Variants in EQTN observed in about 807,000 individuals in gnomAD.
EQTN encodes equatorin.
EQTN carries 29 observed loss-of-function variants against 26.9 expected under a neutral mutation model. The observed-to-expected ratio is 1.08, with a 90% CI of 0.80 to 1.47. EQTN has a LOEUF of 1.47. Among genes scored for constraint, EQTN ranks in the 40% most tolerant of loss-of-function variants. The probability of loss-of-function intolerance (pLI) is 0.00; values close to 1 mark genes in which losing one functional copy is unlikely to be tolerated. For missense variants in EQTN, 391 were observed against 346.1 expected (o/e 1.13, Z -1.03); for synonymous variants, 129 against 120.0 (o/e 1.07, Z -0.49).
At chr9:27,291,377 T>A (rs1276092216) in intron 4 of EQTN, among the ~76,000 whole-genome samples, 1 of 152,162 alleles carries the variant, frequency 6.6e-6, no homozygotes, top group South Asian at 2.1e-4. Flanking sequence ...CAGAAACCCT[T>A]CAAAAGGGAG....
intron 6 of EQTN, 33 bp from the exon 7 acceptor site, chr9:27,286,395 G>A: frequency 6.4e-7 from 1 of 1,550,960 alleles, no homozygotes; most frequent in Non-Finnish European, 8.7e-7. Context: ...GGAAAATAGG[G>A]TGTTCAGTGT....
chr9:27,289,789 G>A (rs1490168081), intron 5 of EQTN, 58 bp from the exon 6 acceptor site: 1 of 1,232,376 alleles, frequency 8.1e-7, no homozygotes, highest in Non-Finnish European at 1.2e-6. Context: ...ATTATTGCCT[G>A]TGTATGTATG....
intron 6 of EQTN, among the ~76,000 whole-genome samples, chr9:27,287,741 A>G (rs1820150845): frequency 6.6e-6 from 1 of 152,252 alleles, no homozygotes; most frequent in Admixed American, 6.5e-5. Flanking sequence ...AAAATGAGCC[A>G]GCATTTGTCA....
chr9:27,294,574 C>A, intron 2 of EQTN, 172 bp from the exon 3 acceptor site: 1 of 392,896 alleles, frequency 2.5e-6, no homozygotes, highest in Admixed American at 4.2e-5. Flanking sequence ...AGGGTCAAAT[C>A]TAAAACTCAT....
chr9:27,292,522 A>G, intron 3 of EQTN, 35 bp from the exon 4 acceptor site: 1 of 1,300,276 alleles, frequency 7.7e-7, no homozygotes, highest in Non-Finnish European at 1.1e-6. Context: ...CAGCATGTAA[A>G]AATACTGACG....
chr9:27,286,605 T>C (rs953550219), intron 6 of EQTN, among the ~76,000 whole-genome samples: 3 of 152,222 alleles, frequency 2.0e-5, no homozygotes, highest in African/African-American at 7.2e-5. Context: ...TTTTACAGTA[T>C]CACAGAAGTT....
At chr9:27,290,936 G>C (rs1464601425) in intron 5 of EQTN, 83 bp downstream of exon 5, 1 of 1,159,112 alleles carries the variant, frequency 8.6e-7, no homozygotes, top group Non-Finnish European at 1.2e-6. Context: ...CTCAGTATTA[G>C]AGGTATTTAG....
At chr9:27,293,145 A>G (rs993517719) in intron 3 of EQTN, among the ~76,000 whole-genome samples, 5 of 152,116 alleles carry the variant, frequency 3.3e-5, no homozygotes, top group Non-Finnish European at 1.5e-5. Context: ...GGCACCCTCT[A>G]TAGGAGGACT....
rs372917062 is a variant in EQTN at position 27,286,249 on chromosome 9, C to T, written c.595G>A (p.Ala199Thr). 6.2e-7 allele frequency: 1 copy of T among 1,613,736 alleles called. No individual in the cohort carries two copies. Among genetic ancestry groups the T allele is most frequent in the East Asian group, 2.2e-5 (1 of 44,886 alleles). ...MTLLLFVVLL[A>T]FCSATLYKLR... ...TTGTACAGTGTAGCACTACAGAATG[C>T]CAAGAGGACCACAAAGAGGAGGAGG... is the stretch of plus-strand genomic sequence containing the variant. The change falls in exon 7 of 8, where the codon GCA (alanine) becomes ACA (threonine). Residue 199 changes from alanine to threonine, a missense_variant. Ala to Thr is a moderately conservative substitution (Grantham distance 58, BLOSUM62 0). Coordinates refer to ENST00000380032, the MANE Select transcript of EQTN (RefSeq NM_020641.3).
At chr9:27,296,768 A>G (rs1820353956) in intron 1 of EQTN, 30 bp from the exon 2 acceptor site, 2 of 1,587,560 alleles carry the variant, frequency 1.3e-6, no homozygotes, top group Non-Finnish European at 1.7e-6. Context: ...ACCATAGATC[A>G]GAAATATGTT....
Position 27,296,599 on chromosome 9 carries a change from C to A in EQTN, c.202+14G>T, listed in dbSNP as rs1820349540. 10 of 1,461,802 alleles carry A rather than the reference C, an allele frequency of 6.8e-6. No homozygotes were observed. Among genetic ancestry groups the A allele is most frequent in the Admixed American group, 2.0e-5 (1 of 50,454 alleles). 90.6% of individuals were successfully genotyped at this position (1,461,802 alleles called of 1,614,324 possible). A position where few individuals can be genotyped will look rare whatever the true frequency, so the allele number is the denominator to read the frequency against. On this transcript the variant is annotated intron_variant, in intron 2 of 7. Coordinates refer to ENST00000380032, the MANE Select transcript of EQTN (RefSeq NM_020641.3). ...ACTTTTGCATATACATTTCTATTCA[C>A]TTTAAAGACTTACATTGTTTTATAT...
At position 27,296,972 on chromosome 9, in the gene EQTN, T is replaced by G. The variant is rs1318488030; in HGVS notation, c.76+8A>C. The G allele has an allele frequency of 1.2e-6, 2 of 1,609,632 alleles. No individual in the cohort carries two copies. The highest frequency in any genetic ancestry group is 1.7e-6 in the Non-Finnish European group (2 of 1,178,812). On this transcript the variant is annotated splice_region_variant and intron_variant, in intron 1 of 7. Coordinates refer to ENST00000380032, the MANE Select transcript of EQTN (RefSeq NM_020641.3). ...CTATTTTTATAAAAGTTTTAAATGC[T>G]CTCTCACCTTCAATAGTAGGCTTCA...
chr9:27,285,114 T>C (rs953087874), intron 7 of EQTN, 142 bp from the exon 8 acceptor site: 1 of 453,984 alleles, frequency 2.2e-6, no homozygotes, highest in Non-Finnish European at 3.8e-6. Flanking sequence ...GAATGATATA[T>C]AGTTTTTCTT....
chr9:27,285,133 C>CTTT lies in EQTN; in HGVS notation c.636-164_636-162dup, dbSNP rs201723057. Among the ~76,000 whole-genome samples, 114 of 77,078 alleles carry CTTT rather than the reference C, an allele frequency of 1.5e-3. 10 individuals are homozygous for CTTT. The highest frequency in any genetic ancestry group is 4.4e-3 in the African/African-American group (78 of 17,536). The allele number at this position is 77,078 out of a possible 152,430, so 50.6% of individuals were successfully genotyped here. A position where few individuals can be genotyped will look rare whatever the true frequency, so the allele number is the denominator to read the frequency against. On this transcript the variant is annotated intron_variant, in intron 7 of 7. Coordinates refer to ENST00000380032, the MANE Select transcript of EQTN (RefSeq NM_020641.3). ...GATATATAGTTTTTCTTTTCTTTTC[C>CTTT]TTTTTTTTTTTTTTTTTTTTTTTTT...
chr9:27,292,424 T>C lies in EQTN; in HGVS notation c.353A>G (p.Glu118Gly). 2.5e-6 allele frequency: 4 copies of C among 1,607,264 alleles called. No homozygotes were observed. The highest frequency in any genetic ancestry group is 3.4e-6 in the Non-Finnish European group (4 of 1,175,752). The part of the protein sequence containing the change: ...STIEEETTTS[E>G]PSHKNIQRST... ...ACTTTGAATATTTTTATGAGAGGGT[T>C]CGCTAGTAGTTGTTTCTTCTTCAAT... Residue 118 changes from glutamate to glycine, a missense_variant, in exon 4 of 8, where the codon GAA (glutamate) becomes GGA (glycine). Glu to Gly is a moderately conservative substitution (Grantham distance 98, BLOSUM62 -2). Coordinates refer to ENST00000380032, the MANE Select transcript of EQTN (RefSeq NM_020641.3).
intron 6 of EQTN, among the ~76,000 whole-genome samples, chr9:27,289,266 T>C (rs1820180573): frequency 6.6e-6 from 1 of 152,198 alleles, no homozygotes. Flanking sequence ...AATGGTCATG[T>C]GGGAGGTATA....
intron 7 of EQTN, among the ~76,000 whole-genome samples, chr9:27,285,221 G>T (rs1439240035): frequency 8.1e-6 from 1 of 123,998 alleles, no homozygotes; most frequent in Admixed American, 1.1e-4. Context: ...TCGGCTCACT[G>T]CAACCTCCGC....
rs747845802 is a variant in EQTN, at chr9:27,294,317, GT to G, written c.287del (p.Asn96ThrfsTer43). 3 of 1,605,482 alleles carry G rather than the reference GT, an allele frequency of 1.9e-6. No individual in the cohort carries two copies. Among genetic ancestry groups the G allele is most frequent in the South Asian group, 2.2e-5 (2 of 89,520 alleles). On this transcript the variant is annotated frameshift_variant and splice_region_variant, in exon 3 of 8. Transcript: ENST00000380032. LOFTEE classifies it high-confidence loss of function. ...ATTDLNFALK[N>X]DKTVNATTYE... ...GCAATGGTGCCTTTCACTTCTTACC[GT>G]TTTTTAGAGCAAAATTCAGGTCAGT...
At chr9:27,295,360 T>G (rs1820315231) in intron 2 of EQTN, among the ~76,000 whole-genome samples, 1 of 152,188 alleles carries the variant, frequency 6.6e-6, no homozygotes, top group African/African-American at 2.4e-5. Context: ...GACAGACAGT[T>G]TAAAAAAACA....
Sources: allele counts gnomAD v4.1 joint callset (sites outside exome capture counted in the v4.1 genomes callset), GRCh38; gene constraint gnomAD v4.1.1; transcripts MANE v1.5; gene names NCBI Gene and HGNC (gene_info 2026-07-23, HGNC 2026-07-21).